The following PCDH19 variants were observed in gnomAD, a reference collection of about 807,000 sequenced individuals.
The protein encoded by PCDH19 is protocadherin 19, also known as protocadherin-19.
In PCDH19, 6 loss-of-function variants were observed where a neutral mutation model predicts 46.2. The observed-to-expected ratio is 0.13, with a 90% CI of 0.07 to 0.26. The LOEUF (loss-of-function observed/expected upper bound fraction) is 0.26. Ranked by LOEUF, PCDH19 falls within the 10% of genes least tolerant of loss-of-function variation. PCDH19 has a pLI of 1.00. For synonymous variants in PCDH19, 481 were observed against 415.7 expected, an observed-to-expected ratio of 1.16 and a Z score of -1.91; for missense variants, 740 against 972.3, an observed-to-expected ratio of 0.76 and a Z score of 3.18.
At chrX:100,380,621 T>C (rs1927525650) in intron 3 of PCDH19, among the ~76,000 whole-genome samples, 1 of 111,833 alleles carries the variant, frequency 8.9e-6, no homozygotes, top group Non-Finnish European at 1.9e-5. Flanking sequence ...AAATAACCCT[T>C]AAGAAAGCAT....
At chrX:100,376,685 TC>T (rs201096914) in intron 3 of PCDH19, among the ~76,000 whole-genome samples, 32,625 of 109,214 alleles carry the variant, frequency 0.3, 3,659 homozygotes, top group Non-Finnish European at 0.35. Context: ...TAGATTTTTT[TC>T]TTTATCTACA....
chrX:100,395,588 G>A (rs1185836419), intron 3 of PCDH19, among the ~76,000 whole-genome samples: 1 of 113,088 alleles, frequency 8.8e-6, no homozygotes. Flanking sequence ...ACTGTAGAGT[G>A]GAAACACTGG....
intron 3 of PCDH19, among the ~76,000 whole-genome samples, chrX:100,380,871 C>T (rs1341639053): frequency 8.9e-6 from 1 of 112,487 alleles, no homozygotes; most frequent in Non-Finnish European, 1.9e-5. Context: ...ATCAATAAAA[C>T]ATTGTATTGA....
At chrX:100,380,002 T>G (rs1927507290) in intron 3 of PCDH19, among the ~76,000 whole-genome samples, 1 of 112,231 alleles carries the variant, frequency 8.9e-6, no homozygotes. Flanking sequence ...GCAGGCTGCT[T>G]CTTTCTTTAC....
intron 5 of PCDH19, among the ~76,000 whole-genome samples, chrX:100,331,648 A>T (rs1925874191): frequency 1.8e-5 from 2 of 111,757 alleles, no homozygotes; most frequent in Non-Finnish European, 3.8e-5. Flanking sequence ...GAGGGAGGTG[A>T]TTGGATCATG....
At chrX:100,345,165 C>T (rs975660838) in intron 4 of PCDH19, among the ~76,000 whole-genome samples, 1 of 111,567 alleles carries the variant, frequency 9.0e-6, no homozygotes, top group Non-Finnish European at 1.9e-5. Flanking sequence ...GTACCAGATA[C>T]ACATAGATGC....
At chrX:100,308,912 C>T (rs765162010) in intron 5 of PCDH19, among the ~76,000 whole-genome samples, 2 of 111,711 alleles carry the variant, frequency 1.8e-5, no homozygotes, top group African/African-American at 6.5e-5. Flanking sequence ...AATACTTTTA[C>T]ACTGTTGGTG....
intron 2 of PCDH19, 120 bp downstream of exon 2, chrX:100,403,404 C>T (rs1278756683): frequency 5.9e-6 from 4 of 681,901 alleles, no homozygotes; most frequent in African/African-American, 4.4e-5. Flanking sequence ...TCTTTCGCGT[C>T]TCCTCCACAC....
intron 4 of PCDH19, among the ~76,000 whole-genome samples, chrX:100,348,189 A>G (rs1926469343): frequency 9.0e-6 from 1 of 111,623 alleles, no homozygotes; most frequent in South Asian, 3.7e-4. Flanking sequence ...ACTGATAATC[A>G]GATTCAGAAT....
Position 100,407,880 on chromosome X carries a change from C to G in PCDH19, c.718G>C (p.Glu240Gln), listed in dbSNP as rs796052808. 1.8e-5 allele frequency: 22 copies of G among 1,211,099 alleles called. No individual in the cohort carries two copies. The highest frequency in any genetic ancestry group is 2.3e-5 in the Non-Finnish European group (21 of 895,379). ...DSNDNNPVFS[E>Q]STYAVSVPEN... ...GGCACGCTCACCGCGTAGGTGGACT[C>G]GCTAAACACCGGGTTGTTGTCATTG... Residue 240 changes from glutamate (E) to glutamine (Q), a missense_variant, in exon 1 of 6, where the codon GAG becomes CAG. By Grantham distance (29) the Glu-to-Gln change is conservative (BLOSUM62 2). Transcript: ENST00000373034.
intron 3 of PCDH19, among the ~76,000 whole-genome samples, chrX:100,372,917 T>C (rs1162449430): frequency 4.4e-5 from 5 of 112,571 alleles, no homozygotes; most frequent in African/African-American, 1.6e-4. Context: ...GGAGGATTAG[T>C]TAATATATGA....
rs1482678215 is a variant in PCDH19, at chrX:100,338,086, A to C, written c.2848+3817T>G. 2.7e-5 allele frequency among the ~76,000 whole-genome samples: 3 copies of C among 111,483 alleles called. No homozygotes were observed. The East Asian group carries it at 8.5e-4, about 32-fold the overall frequency. ...CCAGGCGCGGTGGCTCACGCCTGTA[A>C]TCCCAGCACTTTGGGAGGCCAAGGC... On this transcript the variant is annotated intron_variant, in intron 5 of 5. Coordinates refer to ENST00000373034, the MANE Select transcript of PCDH19 (RefSeq NM_001184880.2).
intron 5 of PCDH19, among the ~76,000 whole-genome samples, chrX:100,297,500 CTG>C (rs1602567770): frequency 8.9e-6 from 1 of 111,972 alleles, no homozygotes; most frequent in African/African-American, 3.2e-5. Context: ...AAGGAATAAA[CTG>C]AGAGCCCTTC....
chrX:100,342,164 G>A (rs1244718516), intron 4 of PCDH19, 89 bp from the exon 5 acceptor site: 3 of 811,925 alleles, frequency 3.7e-6, no homozygotes, highest in Non-Finnish European at 5.6e-6. Flanking sequence ...GCTCTGTAAT[G>A]AGGCAAACAG....
At chrX:100,303,944 T>G (rs1924864553) in intron 5 of PCDH19, among the ~76,000 whole-genome samples, 1 of 112,428 alleles carries the variant, frequency 8.9e-6, no homozygotes, top group Admixed American at 9.4e-5. Flanking sequence ...AAAGAAGTGC[T>G]ATCCAAGAAC....
In PCDH19 at chrX:100,406,774, G is replaced by C. The variant is rs1259601062; in HGVS notation, c.1824C>G (p.Thr608=). Residue 608 remains threonine, a synonymous_variant, in exon 1 of 6, where the codon ACC becomes ACG. Coordinates refer to ENST00000373034, the MANE Select transcript of PCDH19 (RefSeq NM_001184880.2). ...TTTCAAAGAAGCCGCGGTCGCCCTC[G>C]GTCATGTCGTAGGTGACTCGGCCAT... is the stretch of plus-strand genomic sequence containing the variant. ...GENGRVTYDM[T]EGDRGFFEID... is the part of the protein sequence containing the mutation. The C allele has an allele frequency of 8.3e-7, 1 of 1,211,698 alleles. No homozygotes were observed.
intron 3 of PCDH19, among the ~76,000 whole-genome samples, chrX:100,372,295 A>C (rs751397665): frequency 8.9e-6 from 1 of 112,117 alleles, no homozygotes; most frequent in Admixed American, 9.4e-5. Flanking sequence ...CTAAGATGTC[A>C]GAACCTGATC....
intron 5 of PCDH19, among the ~76,000 whole-genome samples, chrX:100,309,449 T>C (rs1925063243): frequency 9.0e-6 from 1 of 111,429 alleles, no homozygotes; most frequent in Non-Finnish European, 1.9e-5. Context: ...TCTTGGGTGA[T>C]GGGTGCACCA....
intron 5 of PCDH19, among the ~76,000 whole-genome samples, chrX:100,335,435 TA>T (rs983621899): frequency 9.4e-6 from 1 of 105,892 alleles, no homozygotes; most frequent in African/African-American, 3.4e-5. Context: ...AGGTGGATTT[TA>T]AAAAAAAATG....
Sources: allele counts gnomAD v4.1 joint callset (sites outside exome capture counted in the v4.1 genomes callset), GRCh38; gene constraint gnomAD v4.1.1; transcripts MANE v1.5; gene names NCBI Gene and HGNC (gene_info 2026-07-23, HGNC 2026-07-21).